The following CHST6 variants were observed in gnomAD, a reference collection of about 807,000 sequenced individuals.
CHST6 encodes the protein N-acetylglucosamine 6-O-sulfotransferase 5.
For missense variants in CHST6, 698 were observed against 586.2 expected, an observed-to-expected ratio of 1.19 and a Z score of -1.97; for synonymous variants, 309 against 276.4, an observed-to-expected ratio of 1.12 and a Z score of -1.17.
At chr16:75,489,487 C>T (rs940283803) in intron 1 of CHST6, among the ~76,000 whole-genome samples, 5 of 151,428 alleles carry the variant, frequency 3.3e-5, no homozygotes, top group Admixed American at 3.3e-4. Flanking sequence ...GGAAGTCTAG[C>T]AGTGTAACCT....
At position 75,479,156 on chromosome 16, in the gene CHST6, C is replaced by T. The variant is rs751329540; in HGVS notation, c.673G>A (p.Val225Met). Residue 225 changes from valine (V) to methionine (M), a missense_variant, in exon 3 of 3, where the codon GTG (valine) becomes ATG (methionine). Coordinates refer to ENST00000332272, the MANE Select transcript of CHST6 (RefSeq NM_021615.5). ...AKALARDNGIVLGTNGTWVEA... is the reference protein window; with the variant it reads ...AKALARDNGIMLGTNGTWVEA... Reference sequence around the variant, plus strand: ...ACCCACGTGCCGTTGGTGCCCAGCACGATGCCGTTGTCACGCGCCAGAGCC... The same window carrying T: ...ACCCACGTGCCGTTGGTGCCCAGCATGATGCCGTTGTCACGCGCCAGAGCC... 4 of 1,607,462 alleles carry T rather than the reference C, an allele frequency of 2.5e-6. No homozygotes were observed. The highest frequency in any genetic ancestry group is 2.5e-6 in the Non-Finnish European group (3 of 1,178,950).
At chr16:75,491,190 A>AAATATAGATAT (rs1206595857) in intron 1 of CHST6, among the ~76,000 whole-genome samples, 1 of 50,076 alleles carries the variant, frequency 2.0e-5, no homozygotes, top group Non-Finnish European at 3.0e-5. Flanking sequence ...AAAAAAAAAA[A>AAATATAGATAT]ATATATATAT....
At chr16:75,482,826 G>A (rs747290632) in intron 1 of CHST6, among the ~76,000 whole-genome samples, 2 of 152,064 alleles carry the variant, frequency 1.3e-5, no homozygotes, top group Non-Finnish European at 2.9e-5. Context: ...CCCTCATCAG[G>A]AGGCAACAGG....
chr16:75,487,806 TAAAAAAAAAA>T (rs771817845), intron 1 of CHST6, among the ~76,000 whole-genome samples: 1 of 56,198 alleles, frequency 1.8e-5, no homozygotes, highest in Admixed American at 2.5e-4. Flanking sequence ...CCGTCCCCCC[TAAAAAAAAAA>T]AAAAAAAAAA....
chr16:75,481,797 G>C lies in CHST6; in HGVS notation c.-17+20C>G. 2.0e-6 allele frequency: 1 copy of C among 500,012 alleles called. No individual in the cohort carries two copies. The highest frequency in any genetic ancestry group is 3.9e-6 in the Non-Finnish European group (1 of 255,734). 31.0% of individuals were successfully genotyped at this position (500,012 alleles called of 1,614,324 possible). ...AGAGGTGAGAGCAGAGGACTGTCCC[G>C]GCCAGCTGAGGGGACTCACCACTGT... On this transcript the variant is annotated intron_variant, in intron 2 of 2. Coordinates refer to ENST00000332272, the MANE Select transcript of CHST6 (RefSeq NM_021615.5).
intron 1 of CHST6, among the ~76,000 whole-genome samples, chr16:75,487,112 C>T (rs542881246): frequency 1.3e-4 from 20 of 152,308 alleles, no homozygotes; most frequent in African/African-American, 4.6e-4. Context: ...TGGTCCACAT[C>T]CAGAGGGAGG....
At position 75,477,524 on chromosome 16, in the gene CHST6, T is replaced by C. The variant is rs1291352161; in HGVS notation, c.*1117A>G. On this transcript the variant is annotated 3_prime_UTR_variant, in exon 3 of 3. Coordinates refer to ENST00000332272, the MANE Select transcript of CHST6 (RefSeq NM_021615.5). ...TGTTCCAATGTGACTTGGGTTCATT[T>C]ATGTGGCTAACTCAACTTCCCTGTC... The C allele has an allele frequency of 6.6e-6, 1 of 152,270 alleles. No individual in the cohort carries two copies. The allele number at this position is 152,270 out of a possible 1,614,324, so 9.4% of individuals were successfully genotyped here.
At chr16:75,479,870 G>A in intron 2 of CHST6, 26 bp from the exon 3 acceptor site, 1 of 1,532,484 alleles carries the variant, frequency 6.5e-7, no homozygotes, top group South Asian at 1.2e-5. Context: ...GCAGCGGTTA[G>A]GGGCTGCAGC....
intron 1 of CHST6, chr16:75,490,478 C>CA (rs202035853): frequency 3.3e-5 from 5 of 149,552 alleles, no homozygotes; most frequent in Admixed American, 6.7e-5. Flanking sequence ...AACTCCGTCT[C>CA]AAAAAAAAAG....
At chr16:75,490,952 A>C (rs919560506) in intron 1 of CHST6, among the ~76,000 whole-genome samples, 6 of 151,988 alleles carry the variant, frequency 3.9e-5, no homozygotes, top group Admixed American at 2.6e-4. Context: ...GATATATACA[A>C]AGTTCAATGT....
At chr16:75,480,020 A>G (rs1435801292) in intron 2 of CHST6, among the ~76,000 whole-genome samples, 176 bp from the exon 3 acceptor site, 3 of 152,216 alleles carry the variant, frequency 2.0e-5, no homozygotes, top group Non-Finnish European at 4.4e-5. Context: ...CTCAGGATCC[A>G]GTCTAGCTGA....
chr16:75,491,897 T>C (rs2080260499), intron 1 of CHST6, among the ~76,000 whole-genome samples: 1 of 152,222 alleles, frequency 6.6e-6, no homozygotes, highest in Non-Finnish European at 1.5e-5. Context: ...TTACCCGCTC[T>C]GCACTAAAAG....
chr16:75,479,679 G>A lies in CHST6; in HGVS notation c.150C>T (p.Arg50=). Residue 50 remains arginine (R), a synonymous_variant, in exon 3 of 3, where the codon CGC becomes CGT. Coordinates refer to ENST00000332272, the MANE Select transcript of CHST6 (RefSeq NM_021615.5). ...RVHVLVLSSW[R]SGSSFVGQLF... ...GTTGGCCCACGAAGGACGAGCCCGA[G>A]CGCCACGAGGACAGCACCAGCACAT... 2 of 1,612,442 alleles carry A rather than the reference G, an allele frequency of 1.2e-6. No homozygotes were observed. Among genetic ancestry groups the A allele is most frequent in the Admixed American group, 1.7e-5 (1 of 59,952 alleles).
In CHST6 at chr16:75,474,775, G is replaced by A. The variant is rs1768693252; in HGVS notation, c.*3866C>T. The A allele has an allele frequency of 2.5e-6, 1 of 397,998 alleles. No homozygotes were observed. The highest frequency in any genetic ancestry group is 2.1e-5 in the African/African-American group (1 of 48,522). 24.7% of individuals were successfully genotyped at this position (397,998 alleles called of 1,614,324 possible). On this transcript the variant is annotated 3_prime_UTR_variant, in exon 3 of 3. Coordinates refer to ENST00000332272, the MANE Select transcript of CHST6 (RefSeq NM_021615.5). ...TTCATTTAAAAGGCACCACTCTCAGGATAACCAACTCACTCCTGAAATAAT... is the reference window on the plus strand; with the variant it reads ...TTCATTTAAAAGGCACCACTCTCAGAATAACCAACTCACTCCTGAAATAAT...
At position 75,479,812 on chromosome 16, in the gene CHST6, A is replaced by T; in HGVS notation, c.17T>A (p.Val6Asp). 6.4e-7 allele frequency: 1 copy of T among 1,563,570 alleles called. No homozygotes were observed. The highest frequency in any genetic ancestry group is 1.9e-5 in the Admixed American group (1 of 51,946). MWLPRVSSTAVTALLL... is the reference protein window; with the variant it reads MWLPRDSSTAVTALLL... ...GAGCGCGGTCACTGCTGTGCTGGAG[A>T]CGCGCGGCAGCCACATGCTGACTGC... The change falls in exon 3 of 3, where the codon GTC becomes GAC. Residue 6 changes from valine to aspartate, a missense_variant. By Grantham distance (152) the Val-to-Asp change is radical. Transcript: ENST00000332272.
intron 1 of CHST6, among the ~76,000 whole-genome samples, chr16:75,486,455 C>T (rs1009983439): frequency 1.3e-5 from 2 of 152,232 alleles, no homozygotes; most frequent in Non-Finnish European, 2.9e-5. Context: ...ATCCACCACT[C>T]CCGGCTCCTA....
intron 1 of CHST6, among the ~76,000 whole-genome samples, chr16:75,491,529 C>G (rs2151674129): frequency 6.6e-6 from 1 of 152,082 alleles, no homozygotes; most frequent in South Asian, 2.1e-4. Flanking sequence ...GACGCCACGC[C>G]TGGCTAATTT....
In CHST6 at chr16:75,472,268, T is replaced by C. The variant is rs1349827773; in HGVS notation, c.*6373A>G. 6.6e-6 allele frequency: 1 copy of C among 152,240 alleles called. No individual in the cohort carries two copies. Among genetic ancestry groups the C allele is most frequent in the Non-Finnish European group, 1.5e-5 (1 of 68,038 alleles). The allele number at this position is 152,240 out of a possible 1,614,324, so 9.4% of individuals were successfully genotyped here. ...TTTATGTGCAGATGTTGTATATCAA[T>C]TATAGCTCAATGAAGCTTCTTTTTT... On this transcript the variant is annotated 3_prime_UTR_variant, in exon 3 of 3. Transcript: ENST00000332272.
chr16:75,480,935 A>AG (rs1409475361), intron 2 of CHST6, among the ~76,000 whole-genome samples: 2 of 116,332 alleles, frequency 1.7e-5, no homozygotes, highest in Non-Finnish European at 3.9e-5. Context: ...TCCAAAAAAA[A>AG]AAAAAAAAAA....
Sources: gnomAD v4.1 joint callset for allele counts (sites outside exome capture counted in the v4.1 genomes callset) on GRCh38, gnomAD v4.1.1 for gene constraint, MANE v1.5 for transcripts, NCBI Gene and HGNC (gene_info 2026-07-23, HGNC 2026-07-21) for gene names.